ARHGAP8: variants seen among roughly 807,000 people sequenced by gnomAD.
ARHGAP8 encodes the protein rho GTPase-activating protein 8.
A neutral mutation model predicts 46.1 loss-of-function variants in ARHGAP8; 62 were observed. That is an observed-to-expected ratio of 1.34 (90% CI 1.10 to 1.66). The LOEUF is 1.66. Ranked by LOEUF, ARHGAP8 falls within the 40% of genes most tolerant of loss-of-function variation. The pLI, the probability that ARHGAP8 is intolerant of heterozygous loss-of-function variation, is 0.00. For synonymous variants in ARHGAP8, 375 were observed against 243.1 expected (o/e 1.54, Z -5.05); for missense variants, 923 against 568.4 (o/e 1.62, Z -6.34).
Position 44,798,128 on chromosome 22 carries a change from C to T in ARHGAP8, c.80-3949C>T, listed in dbSNP as rs189571943. Among the ~76,000 whole-genome samples, 320 of 152,062 alleles carry T rather than the reference C, an allele frequency of 2.1e-3. 1 individual carries two copies. Among genetic ancestry groups the T allele is most frequent in the African/African-American group, 7.3e-3 (301 of 41,478 alleles). ...AGTAGCTGGGACTACAGGCGTGCAC[C>T]ACCACACCCAGCTAATTTTTTATTT... is the stretch of plus-strand genomic sequence containing the variant. On this transcript the variant is annotated intron_variant, in intron 2 of 11. Coordinates refer to ENST00000356099, the MANE Select transcript of ARHGAP8 (RefSeq NM_181335.3).
At chr22:44,840,821 G>T (rs116154612) in intron 7 of ARHGAP8, among the ~76,000 whole-genome samples, 1 of 152,212 alleles carries the variant, frequency 6.6e-6, no homozygotes, top group Admixed American at 6.5e-5. Flanking sequence ...GCGTCCTCGC[G>T]TGGAGAAAGG....
intron 1 of ARHGAP8, among the ~76,000 whole-genome samples, chr22:44,773,005 T>C (rs1193375183): frequency 6.6e-6 from 1 of 152,062 alleles, no homozygotes; most frequent in African/African-American, 2.4e-5. Flanking sequence ...TTTGTAGATA[T>C]GAGGTCTCAT....
chr22:44,795,127 A>T (rs1927988495), intron 2 of ARHGAP8, among the ~76,000 whole-genome samples: 1 of 152,126 alleles, frequency 6.6e-6, no homozygotes, highest in African/African-American at 2.4e-5. Context: ...AGGGAGTAAA[A>T]AGCCTTCAAC....
At chr22:44,836,730 A>G (rs1400920412) in intron 7 of ARHGAP8, among the ~76,000 whole-genome samples, 11 of 151,806 alleles carry the variant, frequency 7.2e-5, no homozygotes, top group Non-Finnish European at 1.5e-4. Flanking sequence ...GACGTGTTGT[A>G]TTTAGAAGAT....
chr22:44,857,754 A>T (rs987182933), intron 10 of ARHGAP8, among the ~76,000 whole-genome samples: 1 of 152,286 alleles, frequency 6.6e-6, no homozygotes, highest in Admixed American at 6.5e-5. Context: ...CCAGCCTCCC[A>T]CATGCAAGCT....
intron 1 of ARHGAP8, among the ~76,000 whole-genome samples, chr22:44,759,324 G>T (rs1023133017): frequency 2.0e-5 from 3 of 152,192 alleles, no homozygotes; most frequent in African/African-American, 7.2e-5. Context: ...ACTGATGAGG[G>T]CTGTGATGGA....
At position 44,856,254 on chromosome 22, in the gene ARHGAP8, C is replaced by CTTTTTTTT. The variant is rs557242169; in HGVS notation, c.878-3449_878-3442dup. The stretch of plus-strand genomic sequence containing the variant: ...TACTGTCTGGCCAGCTATAAATTCC[C>CTTTTTTTT]TTTTTTTTTTTTTTTTTTTTTTTTT... On this transcript the variant is annotated intron_variant, in intron 10 of 11. Coordinates refer to ENST00000356099, the MANE Select transcript of ARHGAP8 (RefSeq NM_181335.3). Among the ~76,000 whole-genome samples the CTTTTTTTT allele has an allele frequency of 1.8e-4, 16 of 86,880 alleles. 2 individuals are homozygous for CTTTTTTTT. Among genetic ancestry groups the CTTTTTTTT allele is most frequent in the African/African-American group, 6.3e-4 (13 of 20,606 alleles). The allele number at this position is 86,880 out of a possible 152,430, so 57.0% of individuals were successfully genotyped here.
chr22:44,782,445 C>T (rs1362772903), intron 1 of ARHGAP8, among the ~76,000 whole-genome samples: 1 of 152,204 alleles, frequency 6.6e-6, no homozygotes, highest in Non-Finnish European at 1.5e-5. Flanking sequence ...TAGTTAGTTC[C>T]AGAACGTTTT....
chr22:44,849,789 C>G (rs988434718), intron 10 of ARHGAP8: 2 of 152,244 alleles, frequency 1.3e-5, no homozygotes, highest in African/African-American at 2.4e-5. Flanking sequence ...ATCGTAAAGA[C>G]AAATCTTGAA....
chr22:44,858,019 G>C (rs540290714), intron 10 of ARHGAP8, among the ~76,000 whole-genome samples: 10 of 152,330 alleles, frequency 6.6e-5, no homozygotes, highest in African/African-American at 1.4e-4. Context: ...ACAACACCCA[G>C]AGAAGGAAAT....
In ARHGAP8 at chr22:44,852,697, C is replaced by G. The variant is rs570329935; in HGVS notation, c.877+3637C>G. On this transcript the variant is annotated intron_variant, in intron 10 of 11. Transcript: ENST00000356099. ...AGCGGTGGAGGTGGGAGTAGGGTGA[C>G]TACCTAAGTCAGCCTGTTAATAAGG... Among the ~76,000 whole-genome samples the G allele has an allele frequency of 1.1e-4, 17 of 152,284 alleles. No homozygotes were observed. In the South Asian group the frequency reaches 3.5e-3, roughly 32 times the overall value.
At chr22:44,831,921 A>T (rs906600423) in intron 7 of ARHGAP8, among the ~76,000 whole-genome samples, 1 of 151,952 alleles carries the variant, frequency 6.6e-6, no homozygotes, top group African/African-American at 2.4e-5. Context: ...CTTTTTTTTC[A>T]ATATTGTTTA....
At chr22:44,765,919 C>T (rs1475894307) in intron 1 of ARHGAP8, 1 of 152,374 alleles carries the variant, frequency 6.6e-6, no homozygotes, top group Non-Finnish European at 1.5e-5. Context: ...GCCTGGGTCT[C>T]GCTCCTGTGC....
intron 10 of ARHGAP8, chr22:44,849,656 A>G (rs2070046714): frequency 6.6e-6 from 1 of 152,424 alleles, no homozygotes; most frequent in African/African-American, 2.4e-5. Context: ...GCCTTCATCT[A>G]AGTCATCGAA....
intron 5 of ARHGAP8, 137 bp downstream of exon 5, chr22:44,814,895 C>A: frequency 9.9e-7 from 1 of 1,012,168 alleles, no homozygotes; most frequent in Admixed American, 2.6e-5. Context: ...TCCCTACCCG[C>A]CCTGGGGTCT....
chr22:44,833,328 A>G (rs1033623387), intron 7 of ARHGAP8, among the ~76,000 whole-genome samples: 3 of 151,002 alleles, frequency 2.0e-5, no homozygotes, highest in Admixed American at 6.6e-5. Flanking sequence ...CATCATTTCT[A>G]TTTCTAGTTT....
intron 5 of ARHGAP8, among the ~76,000 whole-genome samples, chr22:44,820,324 G>T (rs887803291): frequency 6.6e-6 from 1 of 152,172 alleles, no homozygotes; most frequent in Non-Finnish European, 1.5e-5. Flanking sequence ...GAAGGTGAGG[G>T]GCTGGGCATG....
intron 1 of ARHGAP8, among the ~76,000 whole-genome samples, chr22:44,774,933 T>C (rs132476): frequency 0.82 from 123,183 of 150,918 alleles, 50,399 homozygotes; most frequent in South Asian, 0.87. Context: ...TGGGTTCAAG[T>C]GATTCTCCTA....
At chr22:44,776,046 A>G (rs1011880784) in intron 1 of ARHGAP8, among the ~76,000 whole-genome samples, 1 of 152,120 alleles carries the variant, frequency 6.6e-6, no homozygotes, top group Non-Finnish European at 1.5e-5. Context: ...TCACCTCCAG[A>G]TTTCAGGTCC....
Sources: gnomAD v4.1 joint callset for allele counts (sites outside exome capture counted in the v4.1 genomes callset) on GRCh38, gnomAD v4.1.1 for gene constraint, MANE v1.5 for transcripts, NCBI Gene and HGNC (gene_info 2026-07-23, HGNC 2026-07-21) for gene names.